NCOA2: variants seen among roughly 807,000 people sequenced by gnomAD.
NCOA2 encodes the protein nuclear receptor coactivator 2, also known as class E basic helix-loop-helix protein 75.
NCOA2 carries 21 observed loss-of-function variants against 145.1 expected under a neutral mutation model. The ratio of observed to expected loss-of-function variants is 0.14; its 90% CI spans 0.10 to 0.21. The LOEUF is 0.21. Among genes scored for constraint, NCOA2 ranks in the 10% least tolerant of loss-of-function variants. The pLI is 1.00. For missense variants in NCOA2, 1,472 were observed against 1,837.6 expected (o/e 0.80, Z 3.64); for synonymous variants, 619 against 637.5 (o/e 0.97, Z 0.44).
chr8:70,146,836 C>T (rs1222119112), intron 12 of NCOA2, among the ~76,000 whole-genome samples: 6 of 151,860 alleles, frequency 4.0e-5, no homozygotes, highest in African/African-American at 1.5e-4. Flanking sequence ...GCTGGGATTA[C>T]AGGCGCCCAC....
intron 1 of NCOA2, among the ~76,000 whole-genome samples, chr8:70,389,906 T>C (rs1053670943): frequency 2.0e-5 from 3 of 152,008 alleles, no homozygotes; most frequent in African/African-American, 7.3e-5. Flanking sequence ...CCTCAGGTGA[T>C]CTGCCCACCT....
the NCOA2 span, among the ~76,000 whole-genome samples, chr8:70,456,297 T>C: frequency 6.6e-6 from 1 of 152,084 alleles, no homozygotes; most frequent in Non-Finnish European, 1.5e-5. Flanking sequence ...ATTTAATTCG[T>C]CAGAGTGGAA....
intron 12 of NCOA2, among the ~76,000 whole-genome samples, chr8:70,147,194 G>A (rs1027448368): frequency 8.1e-5 from 12 of 148,742 alleles, no homozygotes; most frequent in Non-Finnish European, 1.0e-4. Flanking sequence ...GTACAGCGGC[G>A]CAATCTCGGA....
At chr8:70,246,045 C>G (rs1385801283) in intron 2 of NCOA2, among the ~76,000 whole-genome samples, 1 of 152,092 alleles carries the variant, frequency 6.6e-6, no homozygotes, top group Non-Finnish European at 1.5e-5. Flanking sequence ...GCCAAAGCAT[C>G]TTAAAAAATA....
intron 9 of NCOA2, among the ~76,000 whole-genome samples, chr8:70,160,035 G>A (rs901216644): frequency 1.1e-4 from 16 of 152,230 alleles, no homozygotes; most frequent in South Asian, 2.1e-4. Context: ...TATCTCTTAC[G>A]TATACAATAT....
chr8:70,423,176 T>G, the NCOA2 span, among the ~76,000 whole-genome samples: 1 of 152,092 alleles, frequency 6.6e-6, no homozygotes, highest in East Asian at 1.9e-4. Flanking sequence ...TTCTTGTGGT[T>G]TTTTGTTTTG....
At chr8:70,410,795 T>C in the NCOA2 span, among the ~76,000 whole-genome samples, 1 of 152,188 alleles carries the variant, frequency 6.6e-6, no homozygotes, top group South Asian at 2.1e-4. Context: ...TAAGCAAAAG[T>C]AGTCGTACGG....
chr8:70,225,816 C>T (rs1050497369), intron 2 of NCOA2, among the ~76,000 whole-genome samples: 2 of 152,164 alleles, frequency 1.3e-5, no homozygotes, highest in Non-Finnish European at 2.9e-5. Flanking sequence ...CTGGTGTCAA[C>T]TCTGGCTGGA....
the NCOA2 span, among the ~76,000 whole-genome samples, chr8:70,431,186 G>A: frequency 6.6e-6 from 1 of 151,728 alleles, no homozygotes; most frequent in African/African-American, 2.4e-5. Context: ...GGAATTATGT[G>A]TATATATTTT....
At chr8:70,378,430 C>A (rs1385604798) in intron 1 of NCOA2, among the ~76,000 whole-genome samples, 1 of 151,936 alleles carries the variant, frequency 6.6e-6, no homozygotes, top group East Asian at 1.9e-4. Context: ...ACACCTAACC[C>A]AACGCCATTA....
At chr8:70,118,646 G>A (rs1807416884) in intron 22 of NCOA2, among the ~76,000 whole-genome samples, 1 of 151,632 alleles carries the variant, frequency 6.6e-6, no homozygotes, top group African/African-American at 2.4e-5. Context: ...TTTTTTGGGA[G>A]GAAACTGAAC....
rs144131991 is a variant in NCOA2 at position 70,310,058 on chromosome 8, G to A, written c.-76-13258C>T. Among the ~76,000 whole-genome samples, 12 of 152,052 alleles carry A rather than the reference G, an allele frequency of 7.9e-5. No homozygotes were observed. In the East Asian group the frequency reaches 1.5e-3, roughly 20 times the overall value. ...GATCAAATCAAAACACAGGCCAGGCGCAGTGGCTCATACCTGTAACCCAGC... is the reference window on the plus strand; with the variant it reads ...GATCAAATCAAAACACAGGCCAGGCACAGTGGCTCATACCTGTAACCCAGC... On this transcript the variant is annotated intron_variant, in intron 1 of 22. Coordinates refer to ENST00000452400, the MANE Select transcript of NCOA2 (RefSeq NM_006540.4).
intron 1 of NCOA2, among the ~76,000 whole-genome samples, chr8:70,303,422 A>G (rs1426774842): frequency 6.6e-6 from 1 of 152,210 alleles, no homozygotes; most frequent in African/African-American, 2.4e-5. Context: ...CCATTGTTCA[A>G]TGACACTGGA....
chr8:70,358,042 C>CTG (rs1481775515), intron 1 of NCOA2, among the ~76,000 whole-genome samples: 1 of 151,830 alleles, frequency 6.6e-6, no homozygotes, highest in Non-Finnish European at 1.5e-5. Flanking sequence ...CAAAGCGAGA[C>CTG]TCAGTCGCAA....
At chr8:70,314,877 A>G (rs1420700866) in intron 1 of NCOA2, among the ~76,000 whole-genome samples, 2 of 149,010 alleles carry the variant, frequency 1.3e-5, no homozygotes, top group Non-Finnish European at 3.0e-5. Flanking sequence ...TAGACATTTC[A>G]TTGAACTTAT....
At chr8:70,183,582 CT>C (rs1158859185) in intron 4 of NCOA2, among the ~76,000 whole-genome samples, 1 of 152,172 alleles carries the variant, frequency 6.6e-6, no homozygotes, top group African/African-American at 2.4e-5. Flanking sequence ...TAGTATCTGT[CT>C]CCCCCCAAAT....
At chr8:70,390,527 G>A (rs2131604797) in intron 1 of NCOA2, among the ~76,000 whole-genome samples, 1 of 152,100 alleles carries the variant, frequency 6.6e-6, no homozygotes, top group South Asian at 2.1e-4. Flanking sequence ...AGCATTTTGG[G>A]AGGCCAAGGC....
At chr8:70,298,744 A>G (rs961276123) in intron 1 of NCOA2, among the ~76,000 whole-genome samples, 2 of 152,188 alleles carry the variant, frequency 1.3e-5, no homozygotes, top group African/African-American at 4.8e-5. Context: ...AACATGAGGC[A>G]AAAGTGTCAA....
intron 2 of NCOA2, among the ~76,000 whole-genome samples, chr8:70,266,936 C>T (rs1824648381): frequency 6.6e-6 from 1 of 152,140 alleles, no homozygotes; most frequent in African/African-American, 2.4e-5. Flanking sequence ...AGGGCAATAA[C>T]GTAGTACTTT....
Sources: gnomAD v4.1 joint callset for allele counts (sites outside exome capture counted in the v4.1 genomes callset) on GRCh38, gnomAD v4.1.1 for gene constraint, MANE v1.5 for transcripts, NCBI Gene and HGNC (gene_info 2026-07-23, HGNC 2026-07-21) for gene names.